The following TRMT44 variants were observed in gnomAD, a reference collection of about 807,000 sequenced individuals.
The protein encoded by TRMT44 is tRNA methyltransferase 44 homolog, also known as probable tRNA (uracil-O(2)-)-methyltransferase.
In TRMT44, 78 loss-of-function variants were observed where a neutral mutation model predicts 77.3. The ratio of observed to expected loss-of-function variants is 1.01; its 90% CI spans 0.84 to 1.22. TRMT44 has a LOEUF of 1.22. Ranked by LOEUF, TRMT44 falls within the 50% of genes most tolerant of loss-of-function variation. The probability of loss-of-function intolerance (pLI) is 0.00; values close to 1 mark genes in which losing one functional copy is unlikely to be tolerated. For missense variants in TRMT44, 1,090 were observed against 964.4 expected (o/e 1.13, Z -1.73); for synonymous variants, 391 against 383.3 (o/e 1.02, Z -0.23).
intron 7 of TRMT44, among the ~76,000 whole-genome samples, chr4:8,464,748 G>T (rs1020912091): frequency 2.6e-5 from 4 of 152,116 alleles, no homozygotes; most frequent in African/African-American, 9.7e-5. Context: ...TTGATAACAG[G>T]AACTGTGGAA....
the TRMT44 span, among the ~76,000 whole-genome samples, chr4:8,514,772 G>T: frequency 1.3e-5 from 2 of 152,116 alleles, no homozygotes; most frequent in Non-Finnish European, 2.9e-5. Context: ...GAGTTGAACG[G>T]TTTTGATACT....
At chr4:8,456,078 T>A (rs1271988300) in intron 6 of TRMT44, among the ~76,000 whole-genome samples, 1 of 152,210 alleles carries the variant, frequency 6.6e-6, no homozygotes, top group Non-Finnish European at 1.5e-5. Flanking sequence ...CCAGACTGTA[T>A]GTGGTGTCAT....
At chr4:8,491,685 G>A (rs1415663723) in intron 2 of TRMT44, among the ~76,000 whole-genome samples, 1 of 152,230 alleles carries the variant, frequency 6.6e-6, no homozygotes, top group Non-Finnish European at 1.5e-5. Context: ...GGGCCAGCAG[G>A]GCTGGCCGGC....
At chr4:8,513,330 C>A in the TRMT44 span, among the ~76,000 whole-genome samples, 1 of 152,150 alleles carries the variant, frequency 6.6e-6, no homozygotes, top group Non-Finnish European at 1.5e-5. Flanking sequence ...TTTTTTAGAA[C>A]CATCAGATCT....
At chr4:8,472,812 C>G (rs1333270326) in intron 10 of TRMT44, among the ~76,000 whole-genome samples, 3 of 151,812 alleles carry the variant, frequency 2.0e-5, no homozygotes, top group Non-Finnish European at 4.4e-5. Context: ...GGGCCTGCTG[C>G]CTGGAGTCTG....
chr4:8,473,712 TGAG>T (rs1560241954), intron 10 of TRMT44: 1 of 152,382 alleles, frequency 6.6e-6, no homozygotes, highest in African/African-American at 2.4e-5. Context: ...CATTTCAAAA[TGAG>T]GAGCACATTT....
chr4:8,504,136 C>T, the TRMT44 span, among the ~76,000 whole-genome samples: 1 of 148,362 alleles, frequency 6.7e-6, no homozygotes, highest in South Asian at 2.2e-4. The surrounding 1 kb of genome is among the most constrained non-coding windows in gnomAD (Gnocchi z 5.3). Context: ...GCAGGGGCTG[C>T]ATCAGGGGTC....
chr4:8,450,725 C>G (rs2109101657), intron 3 of TRMT44, among the ~76,000 whole-genome samples: 1 of 150,690 alleles, frequency 6.6e-6, no homozygotes, highest in East Asian at 2.0e-4. Context: ...GTCAAAGCTA[C>G]TTACTATTCT....
At chr4:8,474,863 G>C (rs961477617) in intron 10 of TRMT44, among the ~76,000 whole-genome samples, 4 of 152,172 alleles carry the variant, frequency 2.6e-5, no homozygotes, top group Admixed American at 1.3e-4. Flanking sequence ...GCAGCCTAGA[G>C]GAGGCCTGCG....
chr4:8,499,276 C>T, the TRMT44 span, among the ~76,000 whole-genome samples: 16 of 152,218 alleles, frequency 1.1e-4, no homozygotes, highest in East Asian at 2.7e-3. Flanking sequence ...GCCCCATCTT[C>T]AGCCTGGGCC....
downstream of TRMT44, chr4:8,477,030 G>A (rs1727426828): frequency 6.6e-6 from 1 of 152,224 alleles, no homozygotes; most frequent in Non-Finnish European, 1.5e-5. Flanking sequence ...TGCGAGCCAT[G>A]GCGTCTGACC....
downstream of TRMT44, among the ~76,000 whole-genome samples, chr4:8,481,207 A>G (rs1230349182): frequency 6.6e-6 from 1 of 152,216 alleles, no homozygotes; most frequent in African/African-American, 2.4e-5. Context: ...TCAACCAGAA[A>G]ATGTTTAAAT....
downstream of TRMT44, among the ~76,000 whole-genome samples, chr4:8,496,968 C>T (rs1340618080): frequency 6.6e-6 from 1 of 152,082 alleles, no homozygotes; most frequent in Admixed American, 6.5e-5. Flanking sequence ...AAAATAAATA[C>T]TGCGTTTCTT....
chr4:8,450,082 T>C (rs113205933), intron 3 of TRMT44, among the ~76,000 whole-genome samples, 194 bp downstream of exon 3: 2,351 of 150,154 alleles, frequency 0.016, 16 homozygotes, highest in Middle Eastern at 0.038. Context: ...TTCTCCTGCC[T>C]CAGCCTCTGG....
downstream of TRMT44, among the ~76,000 whole-genome samples, chr4:8,494,748 G>C (rs113191231): frequency 0.055 from 8,355 of 152,208 alleles, 386 homozygotes; most frequent in African/African-American, 0.13. Context: ...TAAATTGGTT[G>C]AGGCCTGTCT....
Position 8,441,171 on chromosome 4 carries a change from G to T in TRMT44, c.349G>T (p.Ala117Ser). The change falls in exon 1 of 11, where the codon GCC becomes TCC. Residue 117 changes from alanine to serine, a missense_variant. By Grantham distance (99) the Ala-to-Ser change is moderately conservative (BLOSUM62 1). Coordinates refer to ENST00000389737, the MANE Select transcript of TRMT44 (RefSeq NM_152544.3). Reference protein sequence around the residue: ...CQQEEAQREAASVPLRDSGHP... With the variant: ...CQQEEAQREASSVPLRDSGHP... ...GCAAGAGGAGGCACAGAGGGAAGCC[G>T]CCTCAGTGCCCCTGAGGGACTCCGG... is the stretch of plus-strand genomic sequence containing the variant. 1.3e-6 allele frequency: 2 copies of T among 1,529,418 alleles called. No homozygotes were observed. Among genetic ancestry groups the T allele is most frequent in the Non-Finnish European group, 1.8e-6 (2 of 1,142,386 alleles). The allele number at this position is 1,529,418 out of a possible 1,614,324, so 94.7% of individuals were successfully genotyped here. A position where few individuals can be genotyped will look rare whatever the true frequency, so the allele number is the denominator to read the frequency against.
In TRMT44 at chr4:8,451,303, A is replaced by C. The variant is rs533642497; in HGVS notation, c.955-657A>C. ...TTTTCCAGCTTTTGAAATTGTTTCT[A>C]GTGGGATGGTTCATCTGTATTGTCT... is the stretch of plus-strand genomic sequence containing the variant. On this transcript the variant is annotated intron_variant, in intron 3 of 10. Coordinates refer to ENST00000389737, the MANE Select transcript of TRMT44 (RefSeq NM_152544.3). This position sits in a 1 kb window ranked among gnomAD's most constrained non-coding sequence, Gnocchi z 4.1. Among the ~76,000 whole-genome samples the C allele has an allele frequency of 6.6e-6, 1 of 152,234 alleles. No individual in the cohort carries two copies. The highest frequency in any genetic ancestry group is 2.4e-5 in the African/African-American group (1 of 41,524).
chr4:8,472,907 G>A (rs1042600489), intron 10 of TRMT44, among the ~76,000 whole-genome samples: 1 of 152,180 alleles, frequency 6.6e-6, no homozygotes, highest in East Asian at 1.9e-4. Context: ...ACTTGTTTTT[G>A]TTGGTTTCCT....
downstream of TRMT44, among the ~76,000 whole-genome samples, chr4:8,495,940 C>T (rs1189861962): frequency 1.3e-5 from 2 of 152,214 alleles, no homozygotes; most frequent in Non-Finnish European, 2.9e-5. Context: ...GTGGGCGGGG[C>T]CTATTCATTC....
Sources: allele counts gnomAD v4.1 joint callset (sites outside exome capture counted in the v4.1 genomes callset), GRCh38; gene constraint gnomAD v4.1.1; non-coding constraint Gnocchi (gnomAD v3.1); transcripts MANE v1.5; gene names NCBI Gene and HGNC (gene_info 2026-07-23, HGNC 2026-07-21).